Variants in EFCAB11 observed in about 807,000 individuals in gnomAD.
EFCAB11 encodes EF-hand calcium binding domain 11, also known as EF-hand calcium-binding domain-containing protein 11.
Under a neutral mutation model 23.0 loss-of-function variants are expected in EFCAB11, and 14 were observed. The ratio of observed to expected loss-of-function variants is 0.61; its 90% CI spans 0.40 to 0.95. The LOEUF is 0.95. EFCAB11 is among the 40% of genes least tolerant of loss of function. EFCAB11 has a pLI of 0.00. For missense variants in EFCAB11, 198 were observed against 195.8 expected (o/e 1.01, Z -0.07); for synonymous variants, 65 against 66.6 (o/e 0.98, Z 0.11).
chr14:89,949,981 C>T, intron 3 of EFCAB11, 116 bp downstream of exon 3: 5 of 1,141,646 alleles, frequency 4.4e-6, no homozygotes, highest in East Asian at 2.9e-5. Context: ...AGTTACCTTC[C>T]ACCAGGTCCC....
At chr14:89,936,426 G>A (rs942535030) in intron 3 of EFCAB11, among the ~76,000 whole-genome samples, 22 of 152,296 alleles carry the variant, frequency 1.4e-4, no homozygotes, top group Admixed American at 1.0e-3. Context: ...GAAAATGTAT[G>A]TGGATTTAAA....
At chr14:89,874,408 A>G (rs1389056320) in intron 5 of EFCAB11, among the ~76,000 whole-genome samples, 3 of 152,158 alleles carry the variant, frequency 2.0e-5, no homozygotes, top group Admixed American at 1.3e-4. Context: ...TGTCTTGGTG[A>G]TTAACATTTG....
intron 5 of EFCAB11, among the ~76,000 whole-genome samples, chr14:89,858,306 TG>T (rs1887817178): frequency 6.6e-6 from 1 of 152,266 alleles, no homozygotes; most frequent in African/African-American, 2.4e-5. Context: ...ATACCTTGAC[TG>T]TAACTTCGTG....
intron 5 of EFCAB11, among the ~76,000 whole-genome samples, chr14:89,866,340 G>A (rs990913127): frequency 6.6e-6 from 1 of 152,180 alleles, no homozygotes; most frequent in Non-Finnish European, 1.5e-5. Flanking sequence ...TTAAACGCAT[G>A]GCCAGGGCCA....
chr14:89,935,470 A>G lies in EFCAB11; in HGVS notation c.218-2843T>C, dbSNP rs916740520. 2.0e-5 allele frequency among the ~76,000 whole-genome samples: 3 copies of G among 149,284 alleles called. No homozygotes were observed. In the Admixed American group the frequency reaches 2.0e-4, roughly 10 times the overall value. ...AGGCTGGAGTGCAAAGGCTAGTCACAGGCATGGCCACAGCGCACTGCAGCC... is the reference window on the plus strand; with the variant it reads ...AGGCTGGAGTGCAAAGGCTAGTCACGGGCATGGCCACAGCGCACTGCAGCC... On this transcript the variant is annotated intron_variant, in intron 3 of 5. Transcript: ENST00000316738.
Position 89,797,224 on chromosome 14 carries a change from CA to C in EFCAB11, c.*18del. 6.2e-7 allele frequency: 1 copy of C among 1,607,918 alleles called. No individual in the cohort carries two copies. Among genetic ancestry groups the C allele is most frequent in the East Asian group, 2.2e-5 (1 of 44,748 alleles). ...AATCTATTGATCTCCCCAGAGTTACCAAAAGTAGTTCACAATAGTTAGGCTT... is the reference window on the plus strand; with the variant it reads ...AATCTATTGATCTCCCCAGAGTTACCAAAGTAGTTCACAATAGTTAGGCTT... On this transcript the variant is annotated 3_prime_UTR_variant, in exon 6 of 6. Coordinates refer to ENST00000316738, the MANE Select transcript of EFCAB11 (RefSeq NM_145231.4).
intron 5 of EFCAB11, among the ~76,000 whole-genome samples, chr14:89,867,094 C>T (rs1888115078): frequency 6.6e-6 from 1 of 152,168 alleles, no homozygotes; most frequent in South Asian, 2.1e-4. Context: ...TAATTATTTA[C>T]ATAAAGTCTA....
chr14:89,843,448 C>T (rs75343508), intron 5 of EFCAB11, among the ~76,000 whole-genome samples: 4,093 of 152,206 alleles, frequency 0.027, 75 homozygotes, highest in Non-Finnish European at 0.041. Flanking sequence ...TTCTCTCCTG[C>T]TTCCGAATTT....
chr14:89,813,416 ACT>A (rs1245539803), intron 5 of EFCAB11, among the ~76,000 whole-genome samples: 3 of 152,342 alleles, frequency 2.0e-5, no homozygotes, highest in South Asian at 4.1e-4. Flanking sequence ...GGTATATAAA[ACT>A]CACACTCATC....
At chr14:89,812,851 G>C (rs764122048) in intron 5 of EFCAB11, among the ~76,000 whole-genome samples, 1 of 152,110 alleles carries the variant, frequency 6.6e-6, no homozygotes, top group Non-Finnish European at 1.5e-5. Context: ...AATTTTCTTA[G>C]TACAAAAGCA....
At chr14:89,908,088 T>C (rs1889553452) in intron 5 of EFCAB11, among the ~76,000 whole-genome samples, 1 of 152,208 alleles carries the variant, frequency 6.6e-6, no homozygotes, top group African/African-American at 2.4e-5. Context: ...CTCTCAATTA[T>C]TCACAGTGAA....
rs187759463 is a variant in EFCAB11, at chr14:89,877,434, G to A, written c.410+54107C>T. ...CTAAAAGGGCAGAATAAAGTACACT[G>A]GATAGGATTACTACTGGGTATAAGA... On this transcript the variant is annotated intron_variant, in intron 5 of 5. Transcript: ENST00000316738. 1.3e-4 allele frequency among the ~76,000 whole-genome samples: 20 copies of A among 152,274 alleles called. No homozygotes were observed. The East Asian group carries it at 2.9e-3, about 22-fold the overall frequency.
chr14:89,905,626 T>C (rs765096188), intron 5 of EFCAB11, among the ~76,000 whole-genome samples: 5 of 152,036 alleles, frequency 3.3e-5, no homozygotes, highest in Admixed American at 2.6e-4. Flanking sequence ...CATAAGGGGA[T>C]GTAGAAAATG....
rs769047214 is a variant in EFCAB11, at chr14:89,797,261, A to G, written c.474T>C (p.Tyr158=). The change falls in exon 6 of 6, where the codon TAT becomes TAC. Residue 158 remains tyrosine (Y), a synonymous_variant. Coordinates refer to ENST00000316738, the MANE Select transcript of EFCAB11 (RefSeq NM_145231.4). The stretch of plus-strand genomic sequence containing the variant: ...ACAATAGTTAGGCTTCCTTCTGTCC[A>G]TAGTTCAGGGCATATTCAAAGTCTC... The part of the protein sequence containing the change: ...SFRDFEYALN[Y]GQKEA The G allele has an allele frequency of 2.5e-6, 4 of 1,613,516 alleles. No homozygotes were observed. The highest frequency in any genetic ancestry group is 1.1e-5 in the South Asian group (1 of 91,070).
chr14:89,933,526 A>T (rs562774195), intron 3 of EFCAB11, among the ~76,000 whole-genome samples: 2 of 152,130 alleles, frequency 1.3e-5, no homozygotes, highest in South Asian at 4.1e-4. Context: ...CCAATCATTT[A>T]AAAAAATGTA....
At chr14:89,842,606 T>TGATAC in intron 5 of EFCAB11, among the ~76,000 whole-genome samples, 1 of 92,712 alleles carries the variant, frequency 1.1e-5, no homozygotes, top group African/African-American at 6.6e-5. Context: ...TAATATGATA[T>TGATAC]GATATGATAT....
chr14:89,853,141 G>A lies in EFCAB11; in HGVS notation c.411-55817C>T, dbSNP rs190779544. Among the ~76,000 whole-genome samples, 50 of 152,180 alleles carry A rather than the reference G, an allele frequency of 3.3e-4. No individual in the cohort carries two copies. In the East Asian group the frequency reaches 8.9e-3, roughly 27 times the overall value. ...ATAATTACAATAACAAGTTCAACTG[G>A]CACAAATAGGCTTGGGAACAAACAC... On this transcript the variant is annotated intron_variant, in intron 5 of 5. Coordinates refer to ENST00000316738, the MANE Select transcript of EFCAB11 (RefSeq NM_145231.4).
intron 5 of EFCAB11, among the ~76,000 whole-genome samples, chr14:89,914,654 G>A (rs1187861225): frequency 3.3e-5 from 5 of 152,082 alleles, no homozygotes; most frequent in African/African-American, 4.8e-5. Flanking sequence ...GCATGGTGGT[G>A]CACACCTGTA....
At chr14:89,874,400 T>C (rs1888371264) in intron 5 of EFCAB11, among the ~76,000 whole-genome samples, 1 of 152,202 alleles carries the variant, frequency 6.6e-6, no homozygotes, top group Non-Finnish European at 1.5e-5. Context: ...TTTCCCGTTG[T>C]CTTGGTGATT....
Sources: allele counts gnomAD v4.1 joint callset (sites outside exome capture counted in the v4.1 genomes callset), GRCh38; gene constraint gnomAD v4.1.1; transcripts MANE v1.5; gene names NCBI Gene and HGNC (gene_info 2026-07-23, HGNC 2026-07-21).